FXYD7: variants seen among roughly 807,000 people sequenced by gnomAD.
FXYD7 encodes FXYD domain-containing ion transport regulator 7.
A neutral mutation model predicts 15.3 loss-of-function variants in FXYD7; 7 were observed. The ratio of observed to expected loss-of-function variants is 0.46; its 90% CI spans 0.26 to 0.86. The LOEUF (loss-of-function observed/expected upper bound fraction) is 0.86. Ranked by LOEUF, FXYD7 falls within the 40% of genes least tolerant of loss-of-function variation. FXYD7 has a pLI of 0.16. For missense variants in FXYD7, 78 were observed against 100.6 expected (o/e 0.78, Z 0.96); for synonymous variants, 39 against 39.3 (o/e 0.99, Z 0.03).
At chr19:35,148,877 T>A (rs777764065) in intron 2 of FXYD7, 154 bp downstream of exon 2, 1 of 777,484 alleles carries the variant, frequency 1.3e-6, no homozygotes, top group Admixed American at 1.7e-5. Flanking sequence ...TCAGCTGAGT[T>A]CATGGAGGGC....
At chr19:35,152,940 TAAAAAAAAAAAA>T (rs534802680) in intron 5 of FXYD7, among the ~76,000 whole-genome samples, 51,959 of 105,984 alleles carry the variant, frequency 0.49, 11,736 homozygotes, top group East Asian at 0.58. Context: ...TTCTTATAAC[TAAAAAAAAAAAA>T]AAAAAAAAAA....
In FXYD7 at chr19:35,144,406, CT is replaced by C. The variant is rs528679144; in HGVS notation, c.31+1043del. 3.0e-4 allele frequency among the ~76,000 whole-genome samples: 46 copies of C among 152,306 alleles called. 1 individual carries two copies. In the South Asian group the frequency reaches 9.1e-3, roughly 30 times the overall value. On this transcript the variant is annotated intron_variant, in intron 1 of 5. Coordinates refer to ENST00000270310, the MANE Select transcript of FXYD7 (RefSeq NM_022006.2). ...AAACACCCACTTCTACCGTCGCCCCCTAATAGCCCCCACTGCTAATCCTGCT... is the reference window on the plus strand; with the variant it reads ...AAACACCCACTTCTACCGTCGCCCCCAATAGCCCCCACTGCTAATCCTGCT...
Position 35,143,892 on chromosome 19 carries a change from T to C in FXYD7, c.31+528T>C, listed in dbSNP as rs968893050. Among the ~76,000 whole-genome samples, 6 of 151,886 alleles carry C rather than the reference T, an allele frequency of 4.0e-5. No homozygotes were observed. Among genetic ancestry groups the C allele is most frequent in the Non-Finnish European group, 8.8e-5 (6 of 67,964 alleles). ...AAGGAAGAGACAGAGAGAAGGGATA[T>C]AGCAAGAGACAGACAGGGAGAACCT... On this transcript the variant is annotated intron_variant, in intron 1 of 5. Coordinates refer to ENST00000270310, the MANE Select transcript of FXYD7 (RefSeq NM_022006.2). This position sits in a 1 kb window ranked among gnomAD's most constrained non-coding sequence, Gnocchi z 4.3.
rs1259568309 is a variant in FXYD7 at position 35,143,263 on chromosome 19, C to A, written c.-71C>A. 6 of 1,147,910 alleles carry A rather than the reference C, an allele frequency of 5.2e-6. No individual in the cohort carries two copies. Among genetic ancestry groups the A allele is most frequent in the African/African-American group, 1.6e-5 (1 of 63,062 alleles). The allele number at this position is 1,147,910 out of a possible 1,614,324, so 71.1% of individuals were successfully genotyped here. The stretch of plus-strand genomic sequence containing the variant: ...CCCCCAGCTCCCCCCCACATCGGTC[C>A]GTCCTGCTTCCAGCTGCTGCAGCGC... On this transcript the variant is annotated 5_prime_UTR_variant, in exon 1 of 6. Coordinates refer to ENST00000270310, the MANE Select transcript of FXYD7 (RefSeq NM_022006.2). This position sits in a 1 kb window ranked among gnomAD's most constrained non-coding sequence, Gnocchi z 4.3.
chr19:35,146,103 G>A (rs2065288042), intron 1 of FXYD7, among the ~76,000 whole-genome samples: 1 of 151,592 alleles, frequency 6.6e-6, no homozygotes, highest in South Asian at 2.1e-4. Flanking sequence ...AAAACAACGA[G>A]CTTTATTTTA....
In FXYD7 at chr19:35,143,828, C is replaced by A. The variant is rs1256794079; in HGVS notation, c.31+464C>A. On this transcript the variant is annotated intron_variant, in intron 1 of 5. Coordinates refer to ENST00000270310, the MANE Select transcript of FXYD7 (RefSeq NM_022006.2). This position sits in a 1 kb window ranked among gnomAD's most constrained non-coding sequence, Gnocchi z 4.3. ...CTCCTAGGGTGTCTGTTTCCTGAAACCCTTGACAGCCAGGTTCAGAGGAAA... is the reference window on the plus strand; with the variant it reads ...CTCCTAGGGTGTCTGTTTCCTGAAAACCTTGACAGCCAGGTTCAGAGGAAA... 1.3e-5 allele frequency among the ~76,000 whole-genome samples: 2 copies of A among 152,126 alleles called. No homozygotes were observed. Among genetic ancestry groups the A allele is most frequent in the Non-Finnish European group, 2.9e-5 (2 of 67,998 alleles).
At chr19:35,152,961 A>C (rs2065318561) in intron 5 of FXYD7, among the ~76,000 whole-genome samples, 2 of 145,376 alleles carry the variant, frequency 1.4e-5, no homozygotes, top group Non-Finnish European at 3.0e-5. Context: ...AAAAAAAAAA[A>C]AAAAATGCGG....
At position 35,148,973 on chromosome 19, in the gene FXYD7, T is replaced by A. The variant is rs1158809410; in HGVS notation, c.61+250T>A. 3 of 647,772 alleles carry A rather than the reference T, an allele frequency of 4.6e-6. No homozygotes were observed. The African/African-American group carries it at 5.4e-5, about 12-fold the overall frequency. 40.1% of individuals were successfully genotyped at this position (647,772 alleles called of 1,614,324 possible). The stretch of plus-strand genomic sequence containing the variant: ...CGGGATCTGGGCTGGTGCCTTGGTG[T>A]CGCCAGAGAAGCAGATGAAGGAAAA... On this transcript the variant is annotated intron_variant, in intron 2 of 5. Coordinates refer to ENST00000270310, the MANE Select transcript of FXYD7 (RefSeq NM_022006.2).
intron 1 of FXYD7, among the ~76,000 whole-genome samples, chr19:35,148,026 G>GGAAAGAAAGAAAAGAAA (rs2065294796): frequency 1.1e-5 from 1 of 88,492 alleles, no homozygotes; most frequent in Non-Finnish European, 2.2e-5. Flanking sequence ...GAAGAAAGAA[G>GGAAAGAAAGAAAAGAAA]GAAAGAAAGA....
At chr19:35,149,210 AC>A (rs1236216185) in intron 2 of FXYD7, 3 of 359,320 alleles carry the variant, frequency 8.3e-6, no homozygotes, top group Non-Finnish European at 1.7e-5. Flanking sequence ...CAAATAAGCT[AC>A]CCCAGGCCTG....
chr19:35,148,052 AAAGAAAGAAAG>A (rs2065295761), intron 1 of FXYD7, among the ~76,000 whole-genome samples: 1 of 140,080 alleles, frequency 7.1e-6, no homozygotes, highest in Non-Finnish European at 1.5e-5. Flanking sequence ...AGAAAGAAAG[AAAGAAAGAAAG>A]AAAGAAAGAA....
intron 2 of FXYD7, chr19:35,149,708 A>C (rs1001820342): frequency 6.6e-6 from 1 of 152,398 alleles, no homozygotes. Context: ...GAATTCAAGA[A>C]TGCAAGAATT....
chr19:35,152,873 G>A (rs2065317211), intron 5 of FXYD7, among the ~76,000 whole-genome samples: 1 of 148,724 alleles, frequency 6.7e-6, no homozygotes, highest in African/African-American at 2.5e-5. Context: ...TGGAAATGCA[G>A]CCTTTCTGGA....
chr19:35,154,027 C>A lies in FXYD7; in HGVS notation c.*111C>A. 1.0e-6 allele frequency: 1 copy of A among 952,930 alleles called. No individual in the cohort carries two copies. Among genetic ancestry groups the A allele is most frequent in the South Asian group, 1.4e-5 (1 of 71,002 alleles). 59.0% of individuals were successfully genotyped at this position (952,930 alleles called of 1,614,324 possible). On this transcript the variant is annotated 3_prime_UTR_variant, in exon 6 of 6. Coordinates refer to ENST00000270310, the MANE Select transcript of FXYD7 (RefSeq NM_022006.2). ...CGCCGGGAGCGCTCCCCGGAATGAGCCGCCCCACCCACCCCAAGGCTGGAG... is the reference window on the plus strand; with the variant it reads ...CGCCGGGAGCGCTCCCCGGAATGAGACGCCCCACCCACCCCAAGGCTGGAG...
In FXYD7 at chr19:35,151,267, G is replaced by A. The variant is rs771179883; in HGVS notation, c.75G>A (p.Val25=). The change falls in exon 3 of 6, where the codon GTG becomes GTA. Residue 25 remains valine (V), a synonymous_variant. Coordinates refer to ENST00000270310, the MANE Select transcript of FXYD7 (RefSeq NM_022006.2). The part of the protein sequence containing the change: ...PDPFYYDYNT[V]QTVGMTLATI... The stretch of plus-strand genomic sequence containing the variant: ...TATCTTCCCCAGACTACAACACGGT[G>A]CAGACTGTGGGCATGACTCTGGCAA... The A allele has an allele frequency of 1.7e-5, 27 of 1,603,678 alleles. No individual in the cohort carries two copies. The South Asian group carries it at 2.8e-4, about 16-fold the overall frequency.
intron 1 of FXYD7, among the ~76,000 whole-genome samples, chr19:35,148,028 A>AAAGT (rs1399629438): frequency 0.011 from 163 of 15,452 alleles, 6 homozygotes; most frequent in East Asian, 0.092. Flanking sequence ...AGAAAGAAGG[A>AAAGT]AAGAAAGAAA....
intron 1 of FXYD7, among the ~76,000 whole-genome samples, chr19:35,144,863 G>A (rs2065283653): frequency 6.6e-6 from 1 of 152,164 alleles, no homozygotes; most frequent in Admixed American, 6.5e-5. Flanking sequence ...CAGGTCTCGG[G>A]AAACCCCGGG....
At position 35,143,380 on chromosome 19, in the gene FXYD7, G is replaced by A. The variant is rs1447096252; in HGVS notation, c.31+16G>A. On this transcript the variant is annotated intron_variant, in intron 1 of 5. Coordinates refer to ENST00000270310, the MANE Select transcript of FXYD7 (RefSeq NM_022006.2). The surrounding 1 kb of genome is among the most constrained non-coding windows in gnomAD (Gnocchi z 4.3). ...CCCACAAAGGGTGAGCGTCGTTTGG[G>A]GAGGGGGTTGCAGGGGGGCTCCGGG... 2.7e-6 allele frequency: 4 copies of A among 1,506,042 alleles called. No homozygotes were observed. The highest frequency in any genetic ancestry group is 3.5e-6 in the Non-Finnish European group (4 of 1,128,748). The allele number at this position is 1,506,042 out of a possible 1,614,324, so 93.3% of individuals were successfully genotyped here.
In FXYD7 at chr19:35,143,385, G is replaced by A. The variant is rs938647635; in HGVS notation, c.31+21G>A. The A allele has an allele frequency of 2.7e-6, 4 of 1,495,468 alleles. No homozygotes were observed. The highest frequency in any genetic ancestry group is 3.6e-6 in the Non-Finnish European group (4 of 1,122,024). The allele number at this position is 1,495,468 out of a possible 1,614,324, so 92.6% of individuals were successfully genotyped here. Reference sequence around the variant, plus strand: ...AAAGGGTGAGCGTCGTTTGGGGAGGGGGTTGCAGGGGGGCTCCGGGATCTG... The same window carrying A: ...AAAGGGTGAGCGTCGTTTGGGGAGGAGGTTGCAGGGGGGCTCCGGGATCTG... On this transcript the variant is annotated intron_variant, in intron 1 of 5. Transcript: ENST00000270310. The surrounding 1 kb of genome is among the most constrained non-coding windows in gnomAD (Gnocchi z 4.3).
Sources: gnomAD v4.1 joint callset for allele counts (sites outside exome capture counted in the v4.1 genomes callset) on GRCh38, gnomAD v4.1.1 for gene constraint, Gnocchi (gnomAD v3.1) non-coding constraint, MANE v1.5 for transcripts, NCBI Gene and HGNC (gene_info 2026-07-23, HGNC 2026-07-21) for gene names.